Variants in TEKT5 observed in about 807,000 individuals in gnomAD.
TEKT5 encodes the protein tektin 5.
TEKT5 carries 52 observed loss-of-function variants against 48.7 expected under a neutral mutation model. The ratio of observed to expected loss-of-function variants is 1.07; its 90% CI spans 0.86 to 1.35. The LOEUF (loss-of-function observed/expected upper bound fraction) is 1.35. TEKT5 is among the 40% of genes most tolerant of loss of function. The pLI is 0.00. For synonymous variants in TEKT5, 318 were observed against 267.6 expected, an observed-to-expected ratio of 1.19 and a Z score of -1.84; for missense variants, 831 against 641.6, an observed-to-expected ratio of 1.30 and a Z score of -3.19.
At chr16:10,657,619 T>C (rs1333820746) in intron 5 of TEKT5, among the ~76,000 whole-genome samples, 4 of 150,702 alleles carry the variant, frequency 2.7e-5, no homozygotes, top group Non-Finnish European at 4.4e-5. Flanking sequence ...AGATGGAGTC[T>C]CGCTCAGTCA....
At chr16:10,663,561 G>C (rs1320175527) in intron 5 of TEKT5, among the ~76,000 whole-genome samples, 1 of 152,174 alleles carries the variant, frequency 6.6e-6, no homozygotes, top group Non-Finnish European at 1.5e-5. Context: ...AGCAAGGAGA[G>C]AGAGAAAGAG....
At chr16:10,639,171 G>A (rs1232626856) in intron 5 of TEKT5, among the ~76,000 whole-genome samples, 1 of 152,088 alleles carries the variant, frequency 6.6e-6, no homozygotes, top group Non-Finnish European at 1.5e-5. Context: ...GCCAGGCATG[G>A]TGGTGCACGT....
chr16:10,666,978 CTTTTT>C (rs201657619), intron 5 of TEKT5, among the ~76,000 whole-genome samples: 7 of 124,668 alleles, frequency 5.6e-5, no homozygotes, highest in South Asian at 2.7e-4. Context: ...TGGCTCCTTA[CTTTTT>C]TTTTTTTTTT....
intron 5 of TEKT5, among the ~76,000 whole-genome samples, chr16:10,660,148 A>G (rs1396147674): frequency 1.3e-5 from 2 of 152,144 alleles, no homozygotes; most frequent in African/African-American, 4.8e-5. Flanking sequence ...GATCTCCAGT[A>G]TGGGATCCAA....
At chr16:10,636,933 C>A (rs1466248125) in intron 5 of TEKT5, among the ~76,000 whole-genome samples, 1 of 151,246 alleles carries the variant, frequency 6.6e-6, no homozygotes, top group African/African-American at 2.4e-5. Flanking sequence ...TCTCCTGCCT[C>A]AGTCTCCCAA....
At chr16:10,688,151 C>T (rs1262431323) in intron 3 of TEKT5, among the ~76,000 whole-genome samples, 1 of 152,172 alleles carries the variant, frequency 6.6e-6, no homozygotes, top group Admixed American at 6.5e-5. Context: ...CAGGGGCACA[C>T]AAATTATTGA....
intron 1 of TEKT5, 105 bp downstream of exon 1, chr16:10,694,205 G>T (rs1034920659): frequency 1.7e-6 from 2 of 1,194,200 alleles, no homozygotes; most frequent in South Asian, 1.6e-5. Context: ...AGCTCAAACC[G>T]ACCTGCAAGG....
In TEKT5 at chr16:10,639,418, A is replaced by G. The variant is rs79478335; in HGVS notation, c.1087-3500T>C. 6.9e-3 allele frequency among the ~76,000 whole-genome samples: 1,051 copies of G among 152,326 alleles called. 13 individuals are homozygous for G. The highest frequency in any genetic ancestry group is 0.024 in the African/African-American group (1,016 of 41,560). On this transcript the variant is annotated intron_variant, in intron 5 of 6. Transcript: ENST00000283025. ...GGGAATAATAGGAGTGCTGAATTGG[A>G]AATTAGACCACCAGGGGCCAAATCT...
chr16:10,689,887 C>T (rs934525596), intron 2 of TEKT5, 55 bp downstream of exon 2: 52 of 1,574,904 alleles, frequency 3.3e-5, no homozygotes, highest in Non-Finnish European at 4.2e-5. Flanking sequence ...TTTCTCTGAC[C>T]TGCTGGCCTT....
Position 10,689,318 on chromosome 16 carries a change from C to T in TEKT5, c.654G>A (p.Val218=), listed in dbSNP as rs1567237070. The part of the protein sequence containing the change: ...DNVEKNLIRE[V]DLLKCCQEQM... ...GTTCTTGGCAACATTTTAGCAAATCCACTTCCTGAAATGAAAAATGTCAGA... is the reference window on the plus strand; with the variant it reads ...GTTCTTGGCAACATTTTAGCAAATCTACTTCCTGAAATGAAAAATGTCAGA... The change falls in exon 3 of 7, where the codon GTG becomes GTA. Residue 218 remains valine (V), a synonymous_variant. Coordinates refer to ENST00000283025, the MANE Select transcript of TEKT5 (RefSeq NM_144674.2). 6.2e-7 allele frequency: 1 copy of T among 1,613,218 alleles called. No homozygotes were observed. Among genetic ancestry groups the T allele is most frequent in the Non-Finnish European group, 8.5e-7 (1 of 1,179,572 alleles).
chr16:10,654,044 G>T (rs150063092), intron 5 of TEKT5, among the ~76,000 whole-genome samples: 9 of 151,814 alleles, frequency 5.9e-5, no homozygotes, highest in African/African-American at 1.9e-4. Context: ...ATGTGTGTGT[G>T]TGGTGGCTGT....
chr16:10,677,484 C>G (rs1898668995), intron 4 of TEKT5, among the ~76,000 whole-genome samples: 1 of 146,456 alleles, frequency 6.8e-6, no homozygotes, highest in Non-Finnish European at 1.5e-5. Context: ...GTGGCACACG[C>G]CTGTAATCCC....
chr16:10,674,847 C>G (rs1305049207), intron 5 of TEKT5, among the ~76,000 whole-genome samples: 5 of 149,016 alleles, frequency 3.4e-5, no homozygotes, highest in African/African-American at 1.2e-4. Flanking sequence ...TTTCTTGATA[C>G]GGGGTCTCGC....
At chr16:10,640,631 C>T (rs996385889) in intron 5 of TEKT5, among the ~76,000 whole-genome samples, 8 of 152,122 alleles carry the variant, frequency 5.3e-5, no homozygotes, top group Middle Eastern at 3.2e-3. Flanking sequence ...CTCCTGCCTC[C>T]GCCTACCCTA....
intron 5 of TEKT5, among the ~76,000 whole-genome samples, chr16:10,651,249 A>C (rs748386927): frequency 2.6e-5 from 4 of 152,180 alleles, no homozygotes; most frequent in Non-Finnish European, 4.4e-5. Context: ...CTAGGGCTAA[A>C]AAGCCAAGAA....
intron 6 of TEKT5, among the ~76,000 whole-genome samples, chr16:10,635,331 C>A (rs1897897949): frequency 6.6e-6 from 1 of 151,928 alleles, no homozygotes; most frequent in African/African-American, 2.4e-5. Context: ...TCCAGGGCTT[C>A]ATGGTAAGAA....
At chr16:10,692,542 T>TC (rs1898998028) in intron 1 of TEKT5, 1 of 152,354 alleles carries the variant, frequency 6.6e-6, no homozygotes, top group Admixed American at 6.5e-5. Context: ...TTACCCAGTG[T>TC]CCACTCAACC....
At chr16:10,685,316 T>C (rs1474906263) in intron 3 of TEKT5, among the ~76,000 whole-genome samples, 1 of 152,134 alleles carries the variant, frequency 6.6e-6, no homozygotes, top group East Asian at 1.9e-4. Flanking sequence ...CTCTCTCTTT[T>C]TTTGAGACAG....
intron 5 of TEKT5, among the ~76,000 whole-genome samples, chr16:10,659,490 C>A (rs1898323874): frequency 6.6e-6 from 1 of 152,148 alleles, no homozygotes. Context: ...CACCATTCTC[C>A]TGCCTCAGCC....
Sources: gnomAD v4.1 joint callset for allele counts (sites outside exome capture counted in the v4.1 genomes callset) on GRCh38, gnomAD v4.1.1 for gene constraint, MANE v1.5 for transcripts, NCBI Gene and HGNC (gene_info 2026-07-23, HGNC 2026-07-21) for gene names.